MICAL3: variants seen among roughly 807,000 people sequenced by gnomAD.
The protein encoded by MICAL3 is microtubule associated monooxygenase, calponin and LIM domain containing 3, also known as [F-actin]-monooxygenase MICAL3.
A neutral mutation model predicts 207.4 loss-of-function variants in MICAL3; 62 were observed. The observed-to-expected ratio is 0.30, with a 90% CI of 0.24 to 0.37. The LOEUF is 0.37. Among genes scored for constraint, MICAL3 ranks in the 10% least tolerant of loss-of-function variants. MICAL3 has a pLI of 1.00. For synonymous variants in MICAL3, 1,077 were observed against 1,069.3 expected (o/e 1.01, Z -0.14); for missense variants, 2,368 against 2,635.6 (o/e 0.90, Z 2.22).
At position 17,858,796 on chromosome 22, in the gene MICAL3, C is replaced by CA. The variant is rs1473036599; in HGVS notation, c.2605+6102dup. On this transcript the variant is annotated intron_variant, in intron 19 of 31. Transcript: ENST00000441493. ...AGCACAGAATCACGTTGGGTGTCCC[C>CA]ACCTTCCTGCTGGAAGCCTCAGGCA... Among the ~76,000 whole-genome samples, 3 of 152,380 alleles carry CA rather than the reference C, an allele frequency of 2.0e-5. 1 individual carries two copies. In the East Asian group the frequency reaches 5.8e-4, roughly 29 times the overall value.
chr22:17,870,760 G>A (rs184303336), intron 17 of MICAL3, among the ~76,000 whole-genome samples: 58 of 152,268 alleles, frequency 3.8e-4, no homozygotes, highest in African/African-American at 1.3e-3. Context: ...TCTAAACAGC[G>A]TCCTAATTCT....
At chr22:17,971,992 A>G (rs1358033307) in intron 1 of MICAL3, among the ~76,000 whole-genome samples, 3 of 152,218 alleles carry the variant, frequency 2.0e-5, no homozygotes, top group Non-Finnish European at 4.4e-5. Context: ...CACTCCACAC[A>G]AGGCCAGGCA....
intron 15 of MICAL3, 113 bp from the exon 16 acceptor site, chr22:17,886,164 G>T: frequency 8.9e-7 from 1 of 1,127,764 alleles, no homozygotes. Context: ...GACTGGCTCA[G>T]CTCTCAAGGT....
intron 1 of MICAL3, among the ~76,000 whole-genome samples, chr22:17,936,208 A>C (rs1933519548): frequency 1.3e-5 from 2 of 152,268 alleles, no homozygotes; most frequent in African/African-American, 4.8e-5. Context: ...TGGATTAAGA[A>C]AATGTGGCAC....
chr22:17,966,461 C>A (rs573207832), intron 1 of MICAL3, among the ~76,000 whole-genome samples: 11 of 152,338 alleles, frequency 7.2e-5, no homozygotes, highest in South Asian at 6.2e-4. Context: ...ACAATTCAAT[C>A]CTTATTCATA....
At chr22:17,824,631 G>T (rs901869439) in intron 22 of MICAL3, among the ~76,000 whole-genome samples, 1 of 152,216 alleles carries the variant, frequency 6.6e-6, no homozygotes, top group African/African-American at 2.4e-5. Context: ...ACGTCACAGG[G>T]AGAGATAGGC....
At chr22:17,828,735 C>A (rs926859256) in intron 21 of MICAL3, among the ~76,000 whole-genome samples, 5 of 152,136 alleles carry the variant, frequency 3.3e-5, no homozygotes, top group African/African-American at 1.2e-4. Context: ...TTGGACCGTG[C>A]CACACAGTTG....
chr22:17,916,748 C>T (rs1187853797), intron 1 of MICAL3, among the ~76,000 whole-genome samples: 4 of 152,244 alleles, frequency 2.6e-5, no homozygotes, highest in East Asian at 1.9e-4. Context: ...CCCCTCTCTG[C>T]GTCCTTTGCT....
chr22:17,845,531 C>T (rs746862487), intron 19 of MICAL3, among the ~76,000 whole-genome samples: 5 of 152,110 alleles, frequency 3.3e-5, no homozygotes, highest in Admixed American at 6.6e-5. Flanking sequence ...AGTCAGCACA[C>T]CTGGCAGAGT....
intron 18 of MICAL3, 91 bp downstream of exon 18, chr22:17,865,833 G>C (rs1300047818): frequency 7.0e-6 from 7 of 1,001,592 alleles, no homozygotes; most frequent in Non-Finnish European, 1.1e-5. Context: ...CAAGGACGCA[G>C]GGGCATTTGC....
rs147890374 is a variant in MICAL3 at position 17,922,037 on chromosome 22, C to T, written c.-74-15151G>A. The stretch of plus-strand genomic sequence containing the variant: ...GCCGCCTCCTCACCTTTGCCTACAA[C>T]GCCCCTCCTGCACTTGAGACTGCAG... On this transcript the variant is annotated intron_variant, in intron 1 of 31. Transcript: ENST00000441493. 2.4e-3 allele frequency among the ~76,000 whole-genome samples: 366 copies of T among 152,260 alleles called. 2 individuals carry two copies. The highest frequency in any genetic ancestry group is 8.4e-3 in the African/African-American group (350 of 41,524).
intron 1 of MICAL3, among the ~76,000 whole-genome samples, chr22:18,020,629 A>AAAAAAAAAAT (rs1425693938): frequency 6.7e-6 from 1 of 149,500 alleles, no homozygotes; most frequent in African/African-American, 2.5e-5. Flanking sequence ...AAAAAAAAAA[A>AAAAAAAAAAT]AAATAGGCTG....
At chr22:17,839,090 T>C (rs1418191347) in intron 20 of MICAL3, among the ~76,000 whole-genome samples, 1 of 150,626 alleles carries the variant, frequency 6.6e-6, no homozygotes, top group Non-Finnish European at 1.5e-5. Context: ...GCCTCCTGAG[T>C]AGTTGGGATT....
intron 20 of MICAL3, among the ~76,000 whole-genome samples, chr22:17,838,925 GACA>G: frequency 6.9e-6 from 1 of 144,876 alleles, no homozygotes; most frequent in East Asian, 2.1e-4. Context: ...AGGGAAGTAA[GACA>G]ACATTTATAG....
chr22:17,984,058 A>C (rs1291100825), intron 1 of MICAL3, among the ~76,000 whole-genome samples: 1 of 152,194 alleles, frequency 6.6e-6, no homozygotes, highest in Admixed American at 6.5e-5. Flanking sequence ...AAATAAAGCT[A>C]TCCCCAAAAA....
At chr22:17,797,559 C>T (rs528553378) in intron 29 of MICAL3, among the ~76,000 whole-genome samples, 18 of 152,274 alleles carry the variant, frequency 1.2e-4, no homozygotes, top group East Asian at 9.6e-4. Context: ...GTTCATAGCC[C>T]GACAACCACC....
At chr22:17,807,030 A>G (rs2061995929) in intron 29 of MICAL3, among the ~76,000 whole-genome samples, 1 of 152,190 alleles carries the variant, frequency 6.6e-6, no homozygotes, top group South Asian at 2.1e-4. Context: ...CACCACCTCA[A>G]CCTCATGAGT....
At chr22:17,824,930 C>CAT (rs1922015307) in intron 22 of MICAL3, among the ~76,000 whole-genome samples, 1 of 152,208 alleles carries the variant, frequency 6.6e-6, no homozygotes, top group South Asian at 2.1e-4. Context: ...AACAAACGCC[C>CAT]CGTTTGGAAC....
chr22:17,994,721 CAA>C (rs11451637), intron 1 of MICAL3, among the ~76,000 whole-genome samples: 4 of 126,662 alleles, frequency 3.2e-5, no homozygotes, highest in African/African-American at 3.0e-5. Flanking sequence ...GACTCTGTCT[CAA>C]AAAAAAAAAA....
Sources: gnomAD v4.1 joint callset for allele counts (sites outside exome capture counted in the v4.1 genomes callset) on GRCh38, gnomAD v4.1.1 for gene constraint, MANE v1.5 for transcripts, NCBI Gene and HGNC (gene_info 2026-07-23, HGNC 2026-07-21) for gene names.